PHRF1: variants seen among roughly 807,000 people sequenced by gnomAD.
PHRF1 encodes PHD and RING finger domain-containing protein 1.
In PHRF1, 53 loss-of-function variants were observed where a neutral mutation model predicts 128.9. That is an observed-to-expected ratio of 0.41 (90% CI 0.33 to 0.52). The LOEUF (loss-of-function observed/expected upper bound fraction) is 0.52, where lower values mean the gene tolerates loss of function less well. Among genes scored for constraint, PHRF1 ranks in the 20% least tolerant of loss-of-function variants. The pLI, the probability that PHRF1 is intolerant of heterozygous loss-of-function variation, is 0.21. For synonymous variants in PHRF1, 1,178 were observed against 980.6 expected, an observed-to-expected ratio of 1.20 and a Z score of -3.76; for missense variants, 2,503 against 2,284.5, an observed-to-expected ratio of 1.10 and a Z score of -1.95.
In PHRF1 at chr11:605,200, T is replaced by C. The variant is rs374798622; in HGVS notation, c.1234T>C (p.Leu412=). Residue 412 remains leucine, a synonymous_variant, in exon 11 of 18, where the codon TTG becomes CTG. Transcript: ENST00000264555. ...TCACAGCAGCTGCATCCCGTCAGTG[T>C]TGAAGCCAGTGGAGCCCTCTTTGGG... ...PVHSSCIPSV[L]KPVEPSLGLL... is the part of the protein sequence containing the mutation. 1.9e-6 allele frequency: 3 copies of C among 1,613,462 alleles called. No homozygotes were observed. Among genetic ancestry groups the C allele is most frequent in the Non-Finnish European group, 2.5e-6 (3 of 1,179,878 alleles).
chr11:605,296 G>C lies in PHRF1; in HGVS notation c.1330G>C (p.Asp444His). 6.2e-7 allele frequency: 1 copy of C among 1,612,996 alleles called. No individual in the cohort carries two copies. Among genetic ancestry groups the C allele is most frequent in the Non-Finnish European group, 8.5e-7 (1 of 1,179,410 alleles). ...AGATCCTTATGAGCTGGATCCCTTC[G>C]ACAGGTGAGTGAACTGGTGATGGTC... is the stretch of plus-strand genomic sequence containing the variant. The part of the protein sequence containing the change: ...FGDPYELDPF[D>H]SSEELSANPL... Residue 444 changes from aspartate to histidine, a missense_variant, in exon 11 of 18, where the codon GAC becomes CAC. Transcript: ENST00000264555.
At chr11:584,190 C>T (rs928424228) in intron 3 of PHRF1, among the ~76,000 whole-genome samples, 7 of 152,154 alleles carry the variant, frequency 4.6e-5, no homozygotes, top group African/African-American at 1.4e-4. Context: ...GAGGGGCTTC[C>T]CTGCTCCCTC....
intron 6 of PHRF1, among the ~76,000 whole-genome samples, chr11:596,025 A>G (rs961297619): frequency 5.3e-5 from 8 of 152,216 alleles, no homozygotes; most frequent in African/African-American, 1.9e-4. Context: ...TCATAGGTGC[A>G]GGACTCTTGG....
In PHRF1 at chr11:597,346, G is replaced by C; in HGVS notation, c.719-49G>C. 6.3e-7 allele frequency: 1 copy of C among 1,576,202 alleles called. No homozygotes were observed. The highest frequency in any genetic ancestry group is 1.2e-5 in the South Asian group (1 of 84,718). Reference sequence around the variant, plus strand: ...AGCCACAGGGGGAGCCGTTGGGGGAGGCGTGTGGCCTGTGAGTGTGGCACA... The same window carrying C: ...AGCCACAGGGGGAGCCGTTGGGGGACGCGTGTGGCCTGTGAGTGTGGCACA... On this transcript the variant is annotated intron_variant, in intron 7 of 17. Transcript: ENST00000264555. The surrounding 1 kb of genome is among the most constrained non-coding windows in gnomAD (Gnocchi z 6.5).
chr11:582,421 C>T (rs1314855130), intron 3 of PHRF1, among the ~76,000 whole-genome samples: 1 of 151,988 alleles, frequency 6.6e-6, no homozygotes, highest in African/African-American at 2.4e-5. Context: ...CGCACCATGA[C>T]ACTTGGCTAA....
chr11:601,847 T>G, intron 10 of PHRF1, 146 bp downstream of exon 10: 1 of 1,094,610 alleles, frequency 9.1e-7, no homozygotes, highest in Non-Finnish European at 1.3e-6. Flanking sequence ...TTTTCTGTAT[T>G]TACTCAGTGA....
Position 609,413 on chromosome 11 carries a change from C to G in PHRF1, c.3957C>G (p.Ile1319Met). Residue 1319 changes from isoleucine to methionine, a missense_variant, in exon 14 of 18, where the codon ATC becomes ATG. Coordinates refer to ENST00000264555, the MANE Select transcript of PHRF1 (RefSeq NM_001286581.2). ...CAGCCAGCCTGGCCGTGGCCGCCAT[C>G]CAGAGGGAGGTGTCATTGATGCACG... Reference protein sequence around the residue: ...LPPASLAVAAIQREVSLMHDE... With the variant: ...LPPASLAVAAMQREVSLMHDE... 1 of 1,610,058 alleles carries G rather than the reference C, an allele frequency of 6.2e-7. No individual in the cohort carries two copies. Among genetic ancestry groups the G allele is most frequent in the Non-Finnish European group, 8.5e-7 (1 of 1,179,818 alleles).
At chr11:581,709 TA>T (rs1817216253) in intron 2 of PHRF1, 103 bp downstream of exon 2, 6 of 1,177,284 alleles carry the variant, frequency 5.1e-6, no homozygotes, top group African/African-American at 1.6e-5. Flanking sequence ...ACTTTCAGTC[TA>T]AAAAAATTAT....
intron 2 of PHRF1, 151 bp from the exon 3 acceptor site, chr11:581,811 C>T (rs1854221064): frequency 1.6e-6 from 2 of 1,218,620 alleles, no homozygotes; most frequent in African/African-American, 1.5e-5. Flanking sequence ...TGTTCCCTTT[C>T]CTTGCTTGTG....
rs755710646 is a variant in PHRF1 at position 581,503 on chromosome 11, A to T, written c.-10A>T. ...CTTCTTTCTTTCAGAGCTGAGCTCA[A>T]TGTGCAGCAATGGATGACGACAGCC... On this transcript the variant is annotated 5_prime_UTR_variant, in exon 2 of 18. The change abolishes an upstream ATG in the 5' untranslated region. Transcript: ENST00000264555. 2.5e-6 allele frequency: 4 copies of T among 1,613,410 alleles called. No homozygotes were observed. The highest frequency in any genetic ancestry group is 3.4e-6 in the Non-Finnish European group (4 of 1,179,774).
chr11:586,549 C>T (rs574089469), intron 3 of PHRF1, among the ~76,000 whole-genome samples: 1 of 152,208 alleles, frequency 6.6e-6, no homozygotes, highest in Admixed American at 6.5e-5. Flanking sequence ...CGAGTCTGCT[C>T]CTCTTCCCAT....
At chr11:610,016 C>T (rs758505678) in intron 14 of PHRF1, among the ~76,000 whole-genome samples, 180 bp from the exon 15 acceptor site, 8 of 152,156 alleles carry the variant, frequency 5.3e-5, no homozygotes, top group South Asian at 2.1e-4. Flanking sequence ...AGGTCATGGT[C>T]GGGGATCAGT....
chr11:592,932 G>A lies in PHRF1; in HGVS notation c.620+258G>A, dbSNP rs527502932. Among the ~76,000 whole-genome samples the A allele has an allele frequency of 4.6e-5, 7 of 152,374 alleles. No individual in the cohort carries two copies. The South Asian group carries it at 1.4e-3, about 32-fold the overall frequency. On this transcript the variant is annotated intron_variant, in intron 6 of 17. Coordinates refer to ENST00000264555, the MANE Select transcript of PHRF1 (RefSeq NM_001286581.2). ...ATCAAGACAAAAAAGAAAACAGCCGGACAGGAGGCTGTGGGGCTGGTCAGC... is the reference window on the plus strand; with the variant it reads ...ATCAAGACAAAAAAGAAAACAGCCGAACAGGAGGCTGTGGGGCTGGTCAGC...
intron 4 of PHRF1, among the ~76,000 whole-genome samples, chr11:589,781 C>T (rs1446224740): frequency 2.0e-5 from 3 of 151,468 alleles, no homozygotes; most frequent in Admixed American, 2.0e-4. Context: ...ATGTCAGGCT[C>T]AGCCTGAGAG....
intron 10 of PHRF1, among the ~76,000 whole-genome samples, chr11:604,130 A>C (rs1855809026): frequency 6.6e-6 from 1 of 152,256 alleles, no homozygotes; most frequent in South Asian, 2.1e-4. Flanking sequence ...CCCAGTTCTC[A>C]GGTCCCCTGG....
chr11:585,704 C>G (rs768620352), intron 3 of PHRF1, among the ~76,000 whole-genome samples: 8 of 71,052 alleles, frequency 1.1e-4, no homozygotes, highest in Non-Finnish European at 2.0e-4. Context: ...TTTTTGAGGT[C>G]GAGTCTCGCT....
chr11:599,959 A>C (rs543654220), intron 9 of PHRF1, among the ~76,000 whole-genome samples: 1 of 152,124 alleles, frequency 6.6e-6, no homozygotes, highest in Non-Finnish European at 1.5e-5. Context: ...CATTGTATGA[A>C]TATACCACAG....
chr11:596,063 G>A (rs557223920), intron 6 of PHRF1, among the ~76,000 whole-genome samples: 35 of 152,284 alleles, frequency 2.3e-4, no homozygotes, highest in South Asian at 8.3e-4. Context: ...TGTTTAACTC[G>A]TATCTTAGAT....
At chr11:599,399 C>T (rs543515851) in intron 9 of PHRF1, among the ~76,000 whole-genome samples, 90 of 151,722 alleles carry the variant, frequency 5.9e-4, no homozygotes, top group Non-Finnish European at 1.0e-3. Context: ...TACAGGCACC[C>T]GCCACCACAC....
Sources: allele counts gnomAD v4.1 joint callset (sites outside exome capture counted in the v4.1 genomes callset), GRCh38; gene constraint gnomAD v4.1.1; non-coding constraint Gnocchi (gnomAD v3.1); transcripts MANE v1.5; gene names NCBI Gene and HGNC (gene_info 2026-07-23, HGNC 2026-07-21).